MMP15: variants seen among roughly 807,000 people sequenced by gnomAD.
MMP15 encodes matrix metallopeptidase 15.
A neutral mutation model predicts 65.0 loss-of-function variants in MMP15; 36 were observed. That is an observed-to-expected ratio of 0.55 (90% confidence interval 0.42 to 0.73). The LOEUF is 0.73. Among genes scored for constraint, MMP15 ranks in the 30% least tolerant of loss-of-function variants. The pLI, the probability that MMP15 is intolerant of heterozygous loss-of-function variation, is 0.00. For synonymous variants in MMP15, 428 were observed against 410.2 expected (o/e 1.04, Z -0.52); for missense variants, 870 against 987.8 (o/e 0.88, Z 1.60).
chr16:58,037,496 C>T lies in MMP15; in HGVS notation c.187C>T (p.Leu63=). The T allele has an allele frequency of 6.2e-7, 1 of 1,613,414 alleles. No individual in the cohort carries two copies. The highest frequency in any genetic ancestry group is 8.5e-7 in the Non-Finnish European group (1 of 1,179,984). ...GAACTGGCTGCGGCTTTATGGCTAC[C>T]TGCCTCAGCCCAGCCGCCATATGTC... ...AENWLRLYGY[L]PQPSRHMSTM... is the part of the protein sequence containing the mutation. The change falls in exon 2 of 10, where the codon CTG becomes TTG. Residue 63 remains leucine (L), a synonymous_variant. Transcript: ENST00000219271.
At chr16:58,042,453 A>G in intron 7 of MMP15, 84 bp downstream of exon 7, 1 of 1,548,384 alleles carries the variant, frequency 6.5e-7, no homozygotes, top group Non-Finnish European at 8.8e-7. Flanking sequence ...GAGGAGGTGA[A>G]GGGTTGCATT....
At chr16:58,037,051 A>C (rs1030692663) in intron 1 of MMP15, among the ~76,000 whole-genome samples, 1 of 152,228 alleles carries the variant, frequency 6.6e-6, no homozygotes, top group African/African-American at 2.4e-5. Context: ...GAAAATGAGG[A>C]TGAAAGCCTC....
chr16:58,028,097 C>T (rs576448086), intron 1 of MMP15, among the ~76,000 whole-genome samples: 62 of 152,294 alleles, frequency 4.1e-4, no homozygotes, highest in Admixed American at 1.3e-3. Flanking sequence ...CCGTGCATTG[C>T]TAATGGCATC....
rs1330441310 is a variant in MMP15 at position 58,025,851 on chromosome 16, G to T, written c.-500G>T. 1 of 151,766 alleles carries T rather than the reference G, an allele frequency of 6.6e-6. No homozygotes were observed. The highest frequency in any genetic ancestry group is 1.5e-5 in the Non-Finnish European group (1 of 67,914). 9.4% of individuals were successfully genotyped at this position (151,766 alleles called of 1,614,324 possible). A position where few individuals can be genotyped will look rare whatever the true frequency, so the allele number is the denominator to read the frequency against. On this transcript the variant is annotated 5_prime_UTR_variant, in exon 1 of 10. Coordinates refer to ENST00000219271, the MANE Select transcript of MMP15 (RefSeq NM_002428.4). ...CGCTTGCTCTCTCGCTCGCTCTCTC[G>T]GGTCGGCTCCCTGCGCCTCCTCCCG...
intron 1 of MMP15, among the ~76,000 whole-genome samples, chr16:58,036,362 GT>G (rs1209601212): frequency 3.3e-5 from 5 of 152,204 alleles, no homozygotes; most frequent in African/African-American, 1.2e-4. Context: ...TGGGTTCCTT[GT>G]TTTGTAGGTG....
chr16:58,043,661 C>T (rs1407024114), intron 9 of MMP15, 34 bp downstream of exon 9: 2 of 1,474,970 alleles, frequency 1.4e-6, no homozygotes, highest in South Asian at 1.2e-5. Flanking sequence ...TTGCCCAGCA[C>T]CTAATATCCC....
At position 58,031,673 on chromosome 16, in the gene MMP15, T is replaced by C. The variant is rs186530414; in HGVS notation, c.162+5161T>C. 5.0e-3 allele frequency among the ~76,000 whole-genome samples: 763 copies of C among 152,118 alleles called. 10 individuals are homozygous for C. The highest frequency in any genetic ancestry group is 0.017 in the African/African-American group (710 of 41,496). On this transcript the variant is annotated intron_variant, in intron 1 of 9. Transcript: ENST00000219271. ...ACGTCTTCCTCCTTCCTGCTTCTCC[T>C]GCTGGACTTCCCCACCACCCAGAGT... is the stretch of plus-strand genomic sequence containing the variant.
intron 1 of MMP15, 124 bp from the exon 2 acceptor site, chr16:58,037,348 G>A: frequency 1.6e-6 from 2 of 1,241,934 alleles, no homozygotes; most frequent in Non-Finnish European, 2.3e-6. Context: ...CACCTGGGCA[G>A]GAGGTGATGA....
At chr16:58,039,299 G>T (rs560673989) in intron 3 of MMP15, among the ~76,000 whole-genome samples, 2 of 152,360 alleles carry the variant, frequency 1.3e-5, no homozygotes, top group African/African-American at 4.8e-5. Flanking sequence ...AGGTGTGGTG[G>T]TGCATGCCTG....
At chr16:58,040,719 G>C in intron 5 of MMP15, 21 bp downstream of exon 5, 5 of 1,613,742 alleles carry the variant, frequency 3.1e-6, no homozygotes, top group Non-Finnish European at 4.2e-6. Context: ...TGTGACCAGC[G>C]GGCTCTGCAT....
Position 58,045,845 on chromosome 16 carries a change from C to T in MMP15, c.*399C>T, listed in dbSNP as rs941840093. 3.1e-5 allele frequency: 6 copies of T among 193,390 alleles called. No homozygotes were observed. Among genetic ancestry groups the T allele is most frequent in the African/African-American group, 9.4e-5 (4 of 42,336 alleles). 12.0% of individuals were successfully genotyped at this position (193,390 alleles called of 1,614,324 possible). A position where few individuals can be genotyped will look rare whatever the true frequency, so the allele number is the denominator to read the frequency against. ...GCCCAGTTGGAGACTGTCTGGCCCCCCTGGTCCCCTCCTTCCCAAGTGAGT... is the reference window on the plus strand; with the variant it reads ...GCCCAGTTGGAGACTGTCTGGCCCCTCTGGTCCCCTCCTTCCCAAGTGAGT... On this transcript the variant is annotated 3_prime_UTR_variant, in exon 10 of 10. Transcript: ENST00000219271.
chr16:58,045,344 G>C lies in MMP15; in HGVS notation c.1908G>C (p.Leu636=), dbSNP rs1188795105. ...VVMVLVPLLL[L]LCVLGLTYAL... ...TGGTGCTGGTGCCACTGCTGCTGCT[G>C]CTCTGCGTCCTGGGCCTCACCTACG... is the stretch of plus-strand genomic sequence containing the variant. Residue 636 remains leucine (L), a synonymous_variant, in exon 10 of 10, where the codon CTG becomes CTC. Coordinates refer to ENST00000219271, the MANE Select transcript of MMP15 (RefSeq NM_002428.4). 1 of 1,604,554 alleles carries C rather than the reference G, an allele frequency of 6.2e-7. No individual in the cohort carries two copies. The highest frequency in any genetic ancestry group is 1.1e-5 in the South Asian group (1 of 89,022).
At position 58,042,230 on chromosome 16, in the gene MMP15, GGGCCGCT is replaced by G; in HGVS notation, c.1167_1173del (p.Arg390SerfsTer63). ...GCCCGCTCACACTATGCCCTCCCCA[GGGCCGCT>G]GGTTCTGGCGAGTCCGGCACAACCG... is the stretch of plus-strand genomic sequence containing the variant. On this transcript the variant is annotated frameshift_variant and splice_region_variant, in exon 7 of 10. Transcript: ENST00000219271. LOFTEE classifies it high-confidence loss of function. 6.2e-7 allele frequency: 1 copy of G among 1,613,140 alleles called. No individual in the cohort carries two copies. Among genetic ancestry groups the G allele is most frequent in the Non-Finnish European group, 8.5e-7 (1 of 1,179,588 alleles).
At chr16:58,044,103 G>C (rs935985247) in intron 9 of MMP15, among the ~76,000 whole-genome samples, 2 of 152,196 alleles carry the variant, frequency 1.3e-5, no homozygotes, top group African/African-American at 4.8e-5. Context: ...ATAACCAAGA[G>C]ACAGGGAGCT....
chr16:58,040,406 A>C, intron 4 of MMP15, 131 bp from the exon 5 acceptor site: 1 of 1,231,780 alleles, frequency 8.1e-7, no homozygotes. Context: ...TTGTAGGCCG[A>C]AAGAGCTCAG....
chr16:58,045,369 G>A lies in MMP15; in HGVS notation c.1933G>A (p.Ala645Thr), dbSNP rs567050671. 23 of 1,596,074 alleles carry A rather than the reference G, an allele frequency of 1.4e-5. No homozygotes were observed. The highest frequency in any genetic ancestry group is 2.1e-4 in the Middle Eastern group (1 of 4,822). The change falls in exon 10 of 10, where the codon GCG (alanine) becomes ACG (threonine). Residue 645 changes from alanine to threonine, a missense_variant. Physicochemically the swap from Ala to Thr is moderately conservative, Grantham distance 58 (BLOSUM62 0). Transcript: ENST00000219271. ...GCTCTGCGTCCTGGGCCTCACCTACGCGCTGGTGCAGATGCAGCGCAAGGG... is the reference window on the plus strand; with the variant it reads ...GCTCTGCGTCCTGGGCCTCACCTACACGCTGGTGCAGATGCAGCGCAAGGG... ...LLLCVLGLTY[A>T]LVQMQRKGAP...
chr16:58,027,815 T>C (rs761119437), intron 1 of MMP15, among the ~76,000 whole-genome samples: 7 of 152,100 alleles, frequency 4.6e-5, no homozygotes, highest in Non-Finnish European at 7.4e-5. Context: ...AGCCAGGCCC[T>C]GGTGGGAGGC....
In MMP15 at chr16:58,039,864, C is replaced by T. The variant is rs768856338; in HGVS notation, c.441-11C>T. ...CCTGCATCCGCTCACTCATCTCCCA[C>T]CCACCCCCAGCATCCAGAACTACAC... On this transcript the variant is annotated splice_polypyrimidine_tract_variant and intron_variant, in intron 3 of 9. Coordinates refer to ENST00000219271, the MANE Select transcript of MMP15 (RefSeq NM_002428.4). 3 of 1,584,918 alleles carry T rather than the reference C, an allele frequency of 1.9e-6. No individual in the cohort carries two copies. The highest frequency in any genetic ancestry group is 1.3e-5 in the African/African-American group (1 of 74,578).
intron 1 of MMP15, 63 bp from the exon 2 acceptor site, chr16:58,037,409 G>A: frequency 6.3e-6 from 10 of 1,584,070 alleles, no homozygotes; most frequent in African/African-American, 1.3e-5. Flanking sequence ...GGTCGGCACA[G>A]GCTGTGCATG....
Sources: allele counts gnomAD v4.1 joint callset (sites outside exome capture counted in the v4.1 genomes callset), GRCh38; gene constraint gnomAD v4.1.1; transcripts MANE v1.5; gene names NCBI Gene and HGNC (gene_info 2026-07-23, HGNC 2026-07-21).